Variants in ZNF468 observed in about 807,000 individuals in gnomAD.
ZNF468 encodes the protein zinc finger protein 468.
A neutral mutation model predicts 7.2 loss-of-function variants in ZNF468; 8 were observed. That is an observed-to-expected ratio of 1.11 (90% CI 0.65 to 2.01). ZNF468 has a LOEUF of 2.01. Among genes scored for constraint, ZNF468 ranks in the 30% most tolerant of loss-of-function variants. The pLI is 0.00. For missense variants in ZNF468, 608 were observed against 626.5 expected, an observed-to-expected ratio of 0.97 and a Z score of 0.31; for synonymous variants, 218 against 214.4, an observed-to-expected ratio of 1.02 and a Z score of -0.15.
rs149518697 is a variant in ZNF468 at position 52,856,203 on chromosome 19, C to T, written c.-74+1369G>A. ...AACAGGGTCAGCTGTAGAACCAAGA[C>T]ATAAGCAAATTATTTCAATCAAGAA... On this transcript the variant is annotated intron_variant, in intron 1 of 3. Coordinates refer to ENST00000595646, the MANE Select transcript of ZNF468 (RefSeq NM_001008801.2). Among the ~76,000 whole-genome samples the T allele has an allele frequency of 5.6e-4, 85 of 151,904 alleles. No individual in the cohort carries two copies. The East Asian group carries it at 0.016, about 28-fold the overall frequency.
rs1285257710 is a variant in ZNF468 at position 52,840,841 on chromosome 19, G to A, written c.1453C>T (p.His485Tyr). 14 of 1,595,352 alleles carry A rather than the reference G, an allele frequency of 8.8e-6. No individual in the cohort carries two copies. Among genetic ancestry groups the A allele is most frequent in the Non-Finnish European group, 1.2e-5 (14 of 1,171,478 alleles). ...TFGQTSSLII[H>Y]RRLHTGEKPY... is the part of the protein sequence containing the mutation. ...TTCTCTCCAGTATGAAGCCTACGAT[G>A]GATTATAAGCGATGATGTCTGACCG... The change falls in exon 4 of 4, where the codon CAT becomes TAT. Residue 485 changes from histidine to tyrosine, a missense_variant. By Grantham distance (83) the His-to-Tyr change is moderately conservative. Coordinates refer to ENST00000595646, the MANE Select transcript of ZNF468 (RefSeq NM_001008801.2).
intron 1 of ZNF468, among the ~76,000 whole-genome samples, chr19:52,856,549 C>T (rs1025193016): frequency 1.4e-5 from 2 of 140,344 alleles, no homozygotes; most frequent in African/African-American, 5.1e-5. Context: ...TCTGGCACCC[C>T]AGATCCCCAG....
chr19:52,847,573 C>T (rs949905764), intron 3 of ZNF468, among the ~76,000 whole-genome samples: 2 of 152,024 alleles, frequency 1.3e-5, no homozygotes, highest in African/African-American at 2.4e-5. Flanking sequence ...TGGAATGTCT[C>T]GGTGTAAAGC....
intron 2 of ZNF468, among the ~76,000 whole-genome samples, chr19:52,853,196 G>A (rs1415146474): frequency 1.3e-5 from 2 of 151,996 alleles, no homozygotes; most frequent in African/African-American, 4.8e-5. Flanking sequence ...AGAAATACAC[G>A]TGTACGAGAC....
rs1397231487 is a variant in ZNF468, at chr19:52,840,813, G to T, written c.1481C>A (p.Pro494His). 1 of 1,608,908 alleles carries T rather than the reference G, an allele frequency of 6.2e-7. No homozygotes were observed. Among genetic ancestry groups the T allele is most frequent in the African/African-American group, 1.4e-5 (1 of 73,812 alleles). Residue 494 changes from proline to histidine, a missense_variant, in exon 4 of 4, where the codon CCT (proline) becomes CAT (histidine). Pro to His is a moderately conservative substitution (Grantham distance 77, BLOSUM62 -2). Coordinates refer to ENST00000595646, the MANE Select transcript of ZNF468 (RefSeq NM_001008801.2). ...IHRRLHTGEK[P>H]YKCNECGKTF... is the part of the protein sequence containing the mutation. ...CTTGCCACACTCATTACACTTGTAA[G>T]GTTTCTCTCCAGTATGAAGCCTACG... is the stretch of plus-strand genomic sequence containing the variant.
At chr19:52,856,411 T>C (rs1359563720) in intron 1 of ZNF468, among the ~76,000 whole-genome samples, 1 of 150,812 alleles carries the variant, frequency 6.6e-6, no homozygotes, top group Non-Finnish European at 1.5e-5. Context: ...TAACCTCCTG[T>C]TGGTCCTTCT....
chr19:52,841,080 T>C lies in ZNF468; in HGVS notation c.1214A>G (p.His405Arg), dbSNP rs1303496011. 1 of 1,613,018 alleles carries C rather than the reference T, an allele frequency of 6.2e-7. No homozygotes were observed. Among genetic ancestry groups the C allele is most frequent in the African/African-American group, 1.3e-5 (1 of 74,870 alleles). The change falls in exon 4 of 4, where the codon CAT becomes CGT. Residue 405 changes from histidine (H) to arginine (R), a missense_variant. Physicochemically the swap from His to Arg is conservative, Grantham distance 29. Transcript: ENST00000595646. ...ACATTTGTAAGGTTTCTCTCCACTATGAATCCTCCTATGTCTTTCAAGGTG... is the reference window on the plus strand; with the variant it reads ...ACATTTGTAAGGTTTCTCTCCACTACGAATCCTCCTATGTCTTTCAAGGTG... ...KSHLERHRRIHSGEKPYKCEE... is the reference protein window; with the variant it reads ...KSHLERHRRIRSGEKPYKCEE...
Position 52,840,078 on chromosome 19 carries a change from G to A in ZNF468, c.*647C>T, listed in dbSNP as rs567702488. The A allele has an allele frequency of 1.2e-3, 1,144 of 959,434 alleles. 22 individuals carry two copies. In the South Asian group the frequency reaches 0.017, roughly 14 times the overall value. 59.4% of individuals were successfully genotyped at this position (959,434 alleles called of 1,614,324 possible). Reference sequence around the variant, plus strand: ...TGTGAATTCTAGTATGGGGTGCCACGTGTGAATCATTCCCGAAAGCCTTGT... The same window carrying A: ...TGTGAATTCTAGTATGGGGTGCCACATGTGAATCATTCCCGAAAGCCTTGT... On this transcript the variant is annotated 3_prime_UTR_variant, in exon 4 of 4. Coordinates refer to ENST00000595646, the MANE Select transcript of ZNF468 (RefSeq NM_001008801.2).
Position 52,840,504 on chromosome 19 carries a change from T to A in ZNF468, c.*221A>T, listed in dbSNP as rs549866984. ...TTTCTCTTCAATGTGAATTTTCTTA[T>A]GTGTTTTAAGGTTTGATTTACAACT... On this transcript the variant is annotated 3_prime_UTR_variant, in exon 4 of 4. Coordinates refer to ENST00000595646, the MANE Select transcript of ZNF468 (RefSeq NM_001008801.2). 404 of 954,282 alleles carry A rather than the reference T, an allele frequency of 4.2e-4. 3 individuals carry two copies. In the African/African-American group the frequency reaches 5.7e-3, roughly 14 times the overall value. 59.1% of individuals were successfully genotyped at this position (954,282 alleles called of 1,614,324 possible).
intron 1 of ZNF468, among the ~76,000 whole-genome samples, chr19:52,857,049 C>T (rs1021384871): frequency 2.0e-5 from 3 of 151,638 alleles, no homozygotes; most frequent in African/African-American, 7.3e-5. Flanking sequence ...CCAACGAGGG[C>T]TCAGGGGACG....
At chr19:52,843,222 T>C (rs1378469012) in intron 3 of ZNF468, among the ~76,000 whole-genome samples, 1 of 152,068 alleles carries the variant, frequency 6.6e-6, no homozygotes, top group Non-Finnish European at 1.5e-5. Context: ...TTGTGACTTT[T>C]TAAAAAATTT....
chr19:52,840,876 C>T lies in ZNF468; in HGVS notation c.1418G>A (p.Gly473Asp). ...GEKPYKCNEC[G>D]KTFGQTSSLI... ...CGATGATGTCTGACCGAAGGTCTTGCCACACTCATTACACTTGTAAGGTTT... is the reference window on the plus strand; with the variant it reads ...CGATGATGTCTGACCGAAGGTCTTGTCACACTCATTACACTTGTAAGGTTT... The change falls in exon 4 of 4, where the codon GGC becomes GAC. Residue 473 changes from glycine (G) to aspartate (D), a missense_variant. Physicochemically the swap from Gly to Asp is moderately conservative, Grantham distance 94. Transcript: ENST00000595646. 1 of 1,613,556 alleles carries T rather than the reference C, an allele frequency of 6.2e-7. No homozygotes were observed. The highest frequency in any genetic ancestry group is 8.5e-7 in the Non-Finnish European group (1 of 1,179,868).
chr19:52,852,064 G>A (rs1365518803), intron 2 of ZNF468, among the ~76,000 whole-genome samples: 2 of 151,940 alleles, frequency 1.3e-5, no homozygotes, highest in African/African-American at 2.4e-5. Context: ...AAAGAGAGGA[G>A]CAGAAAAAAT....
intron 2 of ZNF468, among the ~76,000 whole-genome samples, chr19:52,852,508 T>C (rs1432414841): frequency 2.6e-5 from 4 of 151,890 alleles, no homozygotes; most frequent in Admixed American, 2.0e-4. Context: ...ACACCGTCTC[T>C]AGTAAAAATA....
chr19:52,857,115 G>A (rs2063447210), intron 1 of ZNF468, among the ~76,000 whole-genome samples: 1 of 151,694 alleles, frequency 6.6e-6, no homozygotes, highest in African/African-American at 2.4e-5. Context: ...GAGGAGGAGG[G>A]AGGTGGGGAG....
chr19:52,840,504 T>C lies in ZNF468; in HGVS notation c.*221A>G. 3 of 954,290 alleles carry C rather than the reference T, an allele frequency of 3.1e-6. No homozygotes were observed. Among genetic ancestry groups the C allele is most frequent in the Non-Finnish European group, 4.8e-6 (3 of 619,716 alleles). The allele number at this position is 954,290 out of a possible 1,614,324, so 59.1% of individuals were successfully genotyped here. A position where few individuals can be genotyped will look rare whatever the true frequency, so the allele number is the denominator to read the frequency against. On this transcript the variant is annotated 3_prime_UTR_variant, in exon 4 of 4. Coordinates refer to ENST00000595646, the MANE Select transcript of ZNF468 (RefSeq NM_001008801.2). ...TTTCTCTTCAATGTGAATTTTCTTA[T>C]GTGTTTTAAGGTTTGATTTACAACT...
At chr19:52,855,809 A>G (rs2063432981) in intron 1 of ZNF468, among the ~76,000 whole-genome samples, 2 of 152,314 alleles carry the variant, frequency 1.3e-5, no homozygotes, top group Admixed American at 6.5e-5. Context: ...CAATCATTTC[A>G]GGGGTCAGGA....
rs550014117 is a variant in ZNF468, at chr19:52,840,927, T to C, written c.1367A>G (p.Gln456Arg). 8.1e-6 allele frequency: 13 copies of C among 1,613,814 alleles called. No homozygotes were observed. Among genetic ancestry groups the C allele is most frequent in the Non-Finnish European group, 9.3e-6 (11 of 1,179,954 alleles). ...KAFQRDSHLA[Q>R]HQRVHTGEKP... ...CTCTCCAGTATGAACTCTCTGATGT[T>C]GTGCCAGGTGTGAATCCCTCTGGAA... The change falls in exon 4 of 4, where the codon CAA becomes CGA. Residue 456 changes from glutamine to arginine, a missense_variant. Physicochemically the swap from Gln to Arg is conservative, Grantham distance 43. Transcript: ENST00000595646.
chr19:52,857,315 GT>G (rs1285639279), intron 1 of ZNF468, among the ~76,000 whole-genome samples: 4 of 152,220 alleles, frequency 2.6e-5, no homozygotes, highest in African/African-American at 9.6e-5. Flanking sequence ...TCAAAAAACG[GT>G]TTTGAGCAGG....
Sources: gnomAD v4.1 joint callset for allele counts (sites outside exome capture counted in the v4.1 genomes callset) on GRCh38, gnomAD v4.1.1 for gene constraint, MANE v1.5 for transcripts, NCBI Gene and HGNC (gene_info 2026-07-23, HGNC 2026-07-21) for gene names.